The following SLC35E1 variants were observed in gnomAD, a reference collection of about 807,000 sequenced individuals.
SLC35E1 encodes the protein solute carrier family 35, member E1.
In SLC35E1, 12 loss-of-function variants were observed where a neutral mutation model predicts 31.0. The ratio of observed to expected loss-of-function variants is 0.39; its 90% CI spans 0.25 to 0.63. The LOEUF (loss-of-function observed/expected upper bound fraction) is 0.63, where lower values mean the gene tolerates loss of function less well. Ranked by LOEUF, SLC35E1 falls within the 20% of genes least tolerant of loss-of-function variation. SLC35E1 has a pLI of 0.52. For synonymous variants in SLC35E1, 257 were observed against 264.1 expected (o/e 0.97, Z 0.26); for missense variants, 429 against 572.2 (o/e 0.75, Z 2.55).
chr19:16,567,829 T>C (rs888169337), intron 3 of SLC35E1, among the ~76,000 whole-genome samples: 5 of 152,146 alleles, frequency 3.3e-5, no homozygotes, highest in African/African-American at 4.8e-5. Context: ...GCTGGGATTA[T>C]AGGCATGAGC....
chr19:16,568,272 A>C (rs2085941739), intron 2 of SLC35E1, 103 bp from the exon 3 acceptor site: 1 of 1,398,202 alleles, frequency 7.2e-7, no homozygotes, highest in East Asian at 2.5e-5. Context: ...CAGCAAAGGG[A>C]TACCACCTAA....
intron 4 of SLC35E1, among the ~76,000 whole-genome samples, chr19:16,556,290 G>C (rs572927062): frequency 6.6e-6 from 1 of 151,800 alleles, no homozygotes; most frequent in African/African-American, 2.4e-5. Context: ...GGGAGGCTAA[G>C]GAAAAAAAAT....
chr19:16,571,149 T>C (rs1382966202), intron 2 of SLC35E1, among the ~76,000 whole-genome samples: 1 of 149,574 alleles, frequency 6.7e-6, no homozygotes. Context: ...GATCCATCCA[T>C]CCCTAGTCCC....
In SLC35E1 at chr19:16,551,478, A is replaced by C. The variant is rs1457397824; in HGVS notation, c.*2201T>G. ...AAGTGATGTTACTTCCTCTCTGAACAGGGAAACATCTCGCTCGCTGGGAGA... is the reference window on the plus strand; with the variant it reads ...AAGTGATGTTACTTCCTCTCTGAACCGGGAAACATCTCGCTCGCTGGGAGA... On this transcript the variant is annotated 3_prime_UTR_variant, in exon 6 of 6. Coordinates refer to ENST00000595753, the MANE Select transcript of SLC35E1 (RefSeq NM_024881.5). 1 of 152,312 alleles carries C rather than the reference A, an allele frequency of 6.6e-6. No homozygotes were observed. Among genetic ancestry groups the C allele is most frequent in the African/African-American group, 2.4e-5 (1 of 41,576 alleles). The allele number at this position is 152,312 out of a possible 1,614,324, so 9.4% of individuals were successfully genotyped here. A position where few individuals can be genotyped will look rare whatever the true frequency, so the allele number is the denominator to read the frequency against.
At chr19:16,564,684 A>G (rs534116704) in intron 4 of SLC35E1, among the ~76,000 whole-genome samples, 3 of 152,280 alleles carry the variant, frequency 2.0e-5, no homozygotes, top group South Asian at 4.1e-4. Context: ...GATGCTGGAG[A>G]AAAAAAGAGA....
At chr19:16,568,008 T>C (rs1318853299) in intron 3 of SLC35E1, 24 bp downstream of exon 3, 1 of 1,587,646 alleles carries the variant, frequency 6.3e-7, no homozygotes, top group Non-Finnish European at 8.6e-7. Flanking sequence ...ACCCCATGCA[T>C]GTCCGCTGAT....
At chr19:16,565,466 T>TC in intron 4 of SLC35E1, 1 of 206,898 alleles carries the variant, frequency 4.8e-6, no homozygotes, top group Non-Finnish European at 1.0e-5. Flanking sequence ...CACCTTGGCC[T>TC]CCCAAAGTGC....
chr19:16,558,069 G>A (rs930954614), intron 4 of SLC35E1, among the ~76,000 whole-genome samples: 2 of 150,694 alleles, frequency 1.3e-5, no homozygotes, highest in African/African-American at 4.9e-5. Flanking sequence ...TTGAGATAGA[G>A]TTTTGCTCTT....
intron 4 of SLC35E1, among the ~76,000 whole-genome samples, chr19:16,562,706 GTATGTT>G (rs1568273445): frequency 1.3e-5 from 2 of 152,174 alleles, no homozygotes; most frequent in African/African-American, 2.4e-5. Flanking sequence ...AAGGATGACT[GTATGTT>G]TATATTTATT....
At chr19:16,556,796 T>A in intron 4 of SLC35E1, 1 of 464,018 alleles carries the variant, frequency 2.2e-6, no homozygotes, top group Non-Finnish European at 4.5e-6. Context: ...TCTACCTGAC[T>A]CCATCTCCAC....
rs527925925 is a variant in SLC35E1, at chr19:16,563,939, C to T, written c.756+2593G>A. Among the ~76,000 whole-genome samples, 36 of 152,312 alleles carry T rather than the reference C, an allele frequency of 2.4e-4. No homozygotes were observed. In the South Asian group the frequency reaches 7.3e-3, roughly 31 times the overall value. ...GAAACGAGGAGCGGAACCAAGCATA[C>T]CAGCGACGAGATCTAAATATGAAAT... On this transcript the variant is annotated intron_variant, in intron 4 of 5. Transcript: ENST00000595753.
chr19:16,551,561 G>C lies in SLC35E1; in HGVS notation c.*2118C>G, dbSNP rs1011637712. 6.6e-6 allele frequency: 1 copy of C among 152,068 alleles called. No individual in the cohort carries two copies. Among genetic ancestry groups the C allele is most frequent in the Non-Finnish European group, 1.5e-5 (1 of 68,008 alleles). 9.4% of individuals were successfully genotyped at this position (152,068 alleles called of 1,614,324 possible). A position where few individuals can be genotyped will look rare whatever the true frequency, so the allele number is the denominator to read the frequency against. On this transcript the variant is annotated 3_prime_UTR_variant, in exon 6 of 6. Transcript: ENST00000595753. ...CCCCTAAGTGCCAGCAAGAAGCTGG[G>C]TGTGGTGATGAAGAAAGAAGGCAGC...
In SLC35E1 at chr19:16,555,117, G is replaced by C. The variant is rs373187280; in HGVS notation, c.1002+35C>G. The C allele has an allele frequency of 6.2e-7, 1 of 1,611,794 alleles. No individual in the cohort carries two copies. Among genetic ancestry groups the C allele is most frequent in the South Asian group, 1.1e-5 (1 of 90,908 alleles). On this transcript the variant is annotated intron_variant, in intron 5 of 5. Transcript: ENST00000595753. This position sits in a 1 kb window ranked among gnomAD's most constrained non-coding sequence, Gnocchi z 4.1. ...CTGACTTCCTGGGTGTTGGGGGGCC[G>C]GCTTCCTTCCCTGCCCAGCCTCTCA... is the stretch of plus-strand genomic sequence containing the variant.
rs1046145432 is a variant in SLC35E1, at chr19:16,551,941, G to C, written c.*1738C>G. On this transcript the variant is annotated 3_prime_UTR_variant, in exon 6 of 6. Transcript: ENST00000595753. ...GGCTAATTTTTGTTTTAGTAGAGAT[G>C]GGGTTTCACCATGTTGGCCAGGGTG... The C allele has an allele frequency of 6.6e-6, 1 of 151,820 alleles. No individual in the cohort carries two copies. Among genetic ancestry groups the C allele is most frequent in the Non-Finnish European group, 1.5e-5 (1 of 67,996 alleles). 9.4% of individuals were successfully genotyped at this position (151,820 alleles called of 1,614,324 possible). A position where few individuals can be genotyped will look rare whatever the true frequency, so the allele number is the denominator to read the frequency against.
At chr19:16,557,347 C>T (rs142306711) in intron 4 of SLC35E1, among the ~76,000 whole-genome samples, 148 of 152,098 alleles carry the variant, frequency 9.7e-4, no homozygotes, top group Non-Finnish European at 1.6e-3. Flanking sequence ...GCGCCCGCCA[C>T]CGCGCCCGGC....
intron 4 of SLC35E1, among the ~76,000 whole-genome samples, chr19:16,559,499 CAG>C (rs1555697285): frequency 7.1e-6 from 1 of 140,562 alleles, no homozygotes; most frequent in African/African-American, 2.5e-5. Context: ...CACACACACA[CAG>C]AGTTAACCAG....
At chr19:16,556,773 G>A in intron 4 of SLC35E1, 1 of 446,946 alleles carries the variant, frequency 2.2e-6, no homozygotes, top group South Asian at 1.6e-5. Context: ...GGCCCTGCTG[G>A]AGCTGCAGGA....
rs149234581 is a variant in SLC35E1, at chr19:16,553,706, C to A, written c.1206G>T (p.Ser402=). The A allele has an allele frequency of 6.3e-7, 1 of 1,583,928 alleles. No homozygotes were observed. Among genetic ancestry groups the A allele is most frequent in the Non-Finnish European group, 8.6e-7 (1 of 1,161,234 alleles). ...FQYSRQSYPN[S]YSLNRYDV ...ACACATCATAGCGGTTCAAACTGTA[C>A]GAGTTTGGGTAGCTCTGCCGGCTGT... is the stretch of plus-strand genomic sequence containing the variant. Residue 402 remains serine, a synonymous_variant, in exon 6 of 6, where the codon TCG becomes TCT. Transcript: ENST00000595753.
At chr19:16,564,061 C>T (rs745984686) in intron 4 of SLC35E1, 1 of 152,242 alleles carries the variant, frequency 6.6e-6, no homozygotes, top group Non-Finnish European at 1.5e-5. Context: ...TAATTTTTCA[C>T]AGTAAAGGCC....
Sources: allele counts gnomAD v4.1 joint callset (sites outside exome capture counted in the v4.1 genomes callset), GRCh38; gene constraint gnomAD v4.1.1; non-coding constraint Gnocchi (gnomAD v3.1); transcripts MANE v1.5; gene names NCBI Gene and HGNC (gene_info 2026-07-23, HGNC 2026-07-21).